The following GALNT18 variants were observed in gnomAD, a reference collection of about 807,000 sequenced individuals.
GALNT18 encodes the protein GalNAc-transferase 18.
GALNT18 carries 44 observed loss-of-function variants against 69.5 expected under a neutral mutation model. The ratio of observed to expected loss-of-function variants is 0.63; its 90% CI spans 0.50 to 0.81. The LOEUF is 0.81. Ranked by LOEUF, GALNT18 falls within the 40% of genes least tolerant of loss-of-function variation. The probability of loss-of-function intolerance (pLI) is 0.00; values close to 1 mark genes in which losing one functional copy is unlikely to be tolerated. For missense variants in GALNT18, 715 were observed against 810.0 expected (o/e 0.88, Z 1.42); for synonymous variants, 364 against 318.2 (o/e 1.14, Z -1.53).
chr11:11,621,540 G>T lies in GALNT18; in HGVS notation c.54C>A (p.Ser18Arg), dbSNP rs747341925. Reference protein sequence around the residue: ...KTLVSTCVILSGMTNIICLLY... With the variant: ...KTLVSTCVILRGMTNIICLLY... ...GCAGGCAGATGATGTTAGTCATGCC[G>T]CTCAGGATCACGCAAGTGGACACCA... Residue 18 changes from serine (S) to arginine (R), a missense_variant, in exon 1 of 11, where the codon AGC becomes AGA. By Grantham distance (110) the Ser-to-Arg change is moderately radical (BLOSUM62 -1). Coordinates refer to ENST00000227756, the MANE Select transcript of GALNT18 (RefSeq NM_198516.3). The surrounding 1 kb of genome is among the most constrained non-coding windows in gnomAD (Gnocchi z 9.3). 3.1e-6 allele frequency: 5 copies of T among 1,613,764 alleles called. No homozygotes were observed. Among genetic ancestry groups the T allele is most frequent in the Non-Finnish European group, 4.2e-6 (5 of 1,179,936 alleles).
chr11:11,330,133 G>A (rs1849992877), intron 8 of GALNT18, among the ~76,000 whole-genome samples: 1 of 152,152 alleles, frequency 6.6e-6, no homozygotes, highest in Admixed American at 6.5e-5. Flanking sequence ...GGGCCCACAG[G>A]TCCTTAGGCC....
chr11:11,460,640 A>G (rs10765853), intron 1 of GALNT18, among the ~76,000 whole-genome samples: 148,218 of 152,310 alleles, frequency 0.97, 72,153 homozygotes, highest in East Asian at 1. Flanking sequence ...GCTGGTGCAA[A>G]GCAGGGACTG....
In GALNT18 at chr11:11,320,414, TG is replaced by T. The variant is rs145952487; in HGVS notation, c.1512+6671del. Among the ~76,000 whole-genome samples the T allele has an allele frequency of 4.6e-5, 7 of 152,302 alleles. No homozygotes were observed. In the East Asian group the frequency reaches 1.4e-3, roughly 29 times the overall value. On this transcript the variant is annotated intron_variant, in intron 9 of 10. Coordinates refer to ENST00000227756, the MANE Select transcript of GALNT18 (RefSeq NM_198516.3). This position sits in a 1 kb window ranked among gnomAD's most constrained non-coding sequence, Gnocchi z 4.9. ...TTCCCAAAGCTCTCCTTGTCCTATG[TG>T]GCCATGGTAACAATAAAGATCTTGC...
intron 6 of GALNT18, among the ~76,000 whole-genome samples, chr11:11,343,929 T>G (rs1850254643): frequency 6.6e-6 from 1 of 152,188 alleles, no homozygotes; most frequent in South Asian, 2.1e-4. Context: ...GTCCAGCACC[T>G]GAATTCACTC....
At chr11:11,479,523 A>C (rs889348958) in intron 1 of GALNT18, among the ~76,000 whole-genome samples, 3 of 152,220 alleles carry the variant, frequency 2.0e-5, no homozygotes, top group Non-Finnish European at 4.4e-5. Flanking sequence ...AGTGCTTCCC[A>C]GATCTGGGAA....
Position 11,377,150 on chromosome 11 carries a change from CGG to C in GALNT18, c.977+30_977+31del, listed in dbSNP as rs1853783819. ...GCGGTCCCTAGCCTGGAGGTCAAAG[CGG>C]AGAGACCCACAGGTAAAGGTTTGCT... On this transcript the variant is annotated intron_variant, in intron 5 of 10. Transcript: ENST00000227756. The surrounding 1 kb of genome is among the most constrained non-coding windows in gnomAD (Gnocchi z 4.6). 3.7e-6 allele frequency: 6 copies of C among 1,601,086 alleles called. No homozygotes were observed. The East Asian group carries it at 1.3e-4, about 36-fold the overall frequency.
intron 3 of GALNT18, among the ~76,000 whole-genome samples, chr11:11,416,621 C>T (rs992589680): frequency 3.3e-5 from 5 of 152,310 alleles, no homozygotes; most frequent in East Asian, 1.9e-4. Context: ...GAGAGAAGCA[C>T]GGGGCCCAAG....
At position 11,621,220 on chromosome 11, in the gene GALNT18, A is replaced by C; in HGVS notation, c.235+139T>G. On this transcript the variant is annotated intron_variant, in intron 1 of 10. Transcript: ENST00000227756. The surrounding 1 kb of genome is among the most constrained non-coding windows in gnomAD (Gnocchi z 9.3). ...CGAACGCAGGCAGGAGCTCACACGCAGGCCCCACGACTACCACGCATCTGC... is the reference window on the plus strand; with the variant it reads ...CGAACGCAGGCAGGAGCTCACACGCCGGCCCCACGACTACCACGCATCTGC... 1 of 670,124 alleles carries C rather than the reference A, an allele frequency of 1.5e-6. No homozygotes were observed. Among genetic ancestry groups the C allele is most frequent in the Admixed American group, 2.7e-5 (1 of 37,042 alleles). The allele number at this position is 670,124 out of a possible 1,614,324, so 41.5% of individuals were successfully genotyped here.
intron 1 of GALNT18, among the ~76,000 whole-genome samples, chr11:11,509,585 A>C (rs902611403): frequency 4.6e-5 from 7 of 152,192 alleles, no homozygotes; most frequent in Non-Finnish European, 8.8e-5. Context: ...AATGGAGAGA[A>C]AGCTTGGAGT....
intron 1 of GALNT18, among the ~76,000 whole-genome samples, chr11:11,599,872 C>T (rs1270016911): frequency 6.6e-6 from 1 of 151,954 alleles, no homozygotes; most frequent in African/African-American, 2.4e-5. Context: ...TTAACATACT[C>T]ATCACCTCAC....
rs1394638701 is a variant in GALNT18 at position 11,339,471 on chromosome 11, C to A, written c.1278+1348G>T. On this transcript the variant is annotated intron_variant, in intron 7 of 10. Transcript: ENST00000227756. The surrounding 1 kb of genome is among the most constrained non-coding windows in gnomAD (Gnocchi z 5.2). ...CCAGTCCTAAGCAGAACCTGGGGAC[C>A]TGCTATGCCTCACTGGTGAGCTCCT... Among the ~76,000 whole-genome samples the A allele has an allele frequency of 6.6e-6, 1 of 152,110 alleles. No homozygotes were observed. The highest frequency in any genetic ancestry group is 2.4e-5 in the African/African-American group (1 of 41,408).
intron 2 of GALNT18, among the ~76,000 whole-genome samples, chr11:11,445,845 G>T (rs1855638484): frequency 6.6e-6 from 1 of 152,174 alleles, no homozygotes; most frequent in African/African-American, 2.4e-5. Context: ...TGTGCAGAGG[G>T]AAGGTCTCTC....
In GALNT18 at chr11:11,359,038, T is replaced by A. The variant is rs1170570460; in HGVS notation, c.1092+13477A>T. 1.4e-5 allele frequency among the ~76,000 whole-genome samples: 2 copies of A among 140,838 alleles called. 1 individual carries two copies. The highest frequency in any genetic ancestry group is 5.3e-5 in the African/African-American group (2 of 38,058). The allele number at this position is 140,838 out of a possible 152,430, so 92.4% of individuals were successfully genotyped here. ...TGCAGCTTTTCTGTGAGATGTTGCATCTGGTGGTTTTCTGAGACCTTTTCA... is the reference window on the plus strand; with the variant it reads ...TGCAGCTTTTCTGTGAGATGTTGCAACTGGTGGTTTTCTGAGACCTTTTCA... On this transcript the variant is annotated intron_variant, in intron 6 of 10. Coordinates refer to ENST00000227756, the MANE Select transcript of GALNT18 (RefSeq NM_198516.3).
chr11:11,300,940 C>T (rs933269947), intron 9 of GALNT18, among the ~76,000 whole-genome samples: 4 of 152,138 alleles, frequency 2.6e-5, no homozygotes, highest in Admixed American at 1.3e-4. Flanking sequence ...GAAATGTTGG[C>T]GCAACACACA....
At chr11:11,349,412 C>T (rs1183058174) in intron 6 of GALNT18, among the ~76,000 whole-genome samples, 1 of 152,176 alleles carries the variant, frequency 6.6e-6, no homozygotes, top group Non-Finnish European at 1.5e-5. Context: ...CTCCCACCAG[C>T]ATGGATGAGG....
At chr11:11,512,272 GA>G (rs1355648726) in intron 1 of GALNT18, among the ~76,000 whole-genome samples, 1 of 152,202 alleles carries the variant, frequency 6.6e-6, no homozygotes, top group Non-Finnish European at 1.5e-5. Context: ...ACACAGTGTG[GA>G]GAGCAGTCTG....
chr11:11,301,555 A>G (rs1026080938), intron 9 of GALNT18, among the ~76,000 whole-genome samples: 5 of 152,210 alleles, frequency 3.3e-5, no homozygotes, highest in African/African-American at 9.7e-5. Context: ...ACCATTCTCC[A>G]TTAGTGTGAC....
rs1849733132 is a variant in GALNT18, at chr11:11,315,279, C to A, written c.1512+11807G>T. Among the ~76,000 whole-genome samples the A allele has an allele frequency of 6.6e-6, 1 of 152,276 alleles. No homozygotes were observed. Among genetic ancestry groups the A allele is most frequent in the Non-Finnish European group, 1.5e-5 (1 of 68,028 alleles). ...AGCTGAGATTCACAGCCAGGTGGAC[C>A]TAGCAAGGTCCATTCACTTCCTTTC... On this transcript the variant is annotated intron_variant, in intron 9 of 10. Transcript: ENST00000227756. The surrounding 1 kb of genome is among the most constrained non-coding windows in gnomAD (Gnocchi z 5.6).
At chr11:11,506,377 C>A (rs575058011) in intron 1 of GALNT18, among the ~76,000 whole-genome samples, 1 of 152,272 alleles carries the variant, frequency 6.6e-6, no homozygotes, top group African/African-American at 2.4e-5. Context: ...ACTTCAGACC[C>A]AGGATAGTCA....
Sources: gnomAD v4.1 joint callset for allele counts (sites outside exome capture counted in the v4.1 genomes callset) on GRCh38, gnomAD v4.1.1 for gene constraint, Gnocchi (gnomAD v3.1) non-coding constraint, MANE v1.5 for transcripts, NCBI Gene and HGNC (gene_info 2026-07-23, HGNC 2026-07-21) for gene names.